The following SIK3 variants were observed in gnomAD, a reference collection of about 807,000 sequenced individuals.
SIK3 encodes the protein SIK family kinase 3.
A neutral mutation model predicts 144.2 loss-of-function variants in SIK3; 28 were observed. The observed-to-expected ratio is 0.19, with a 90% CI of 0.14 to 0.27. The LOEUF (loss-of-function observed/expected upper bound fraction) is 0.27, where lower values mean the gene tolerates loss of function less well. Among genes scored for constraint, SIK3 ranks in the 10% least tolerant of loss-of-function variants. The probability of loss-of-function intolerance (pLI) is 1.00; values close to 1 mark genes in which losing one functional copy is unlikely to be tolerated. For synonymous variants in SIK3, 686 were observed against 676.3 expected (o/e 1.01, Z -0.22); for missense variants, 1,319 against 1,776.0 (o/e 0.74, Z 4.62).
At chr11:117,016,180 G>C (rs1171886167) in intron 1 of SIK3, among the ~76,000 whole-genome samples, 1 of 151,710 alleles carries the variant, frequency 6.6e-6, no homozygotes, top group African/African-American at 2.4e-5. Flanking sequence ...ACAAAAATTA[G>C]CCTAGTGTAA....
chr11:116,943,356 T>C (rs1328083580), intron 3 of SIK3, among the ~76,000 whole-genome samples: 1 of 152,150 alleles, frequency 6.6e-6, no homozygotes, highest in Non-Finnish European at 1.5e-5. Flanking sequence ...GCAGGGCTTT[T>C]ACATCGGGGC....
rs749427910 is a variant in SIK3, at chr11:117,027,450, CTGTTTGTTTGTT to C, written c.274-70398_274-70387del. Reference sequence around the variant, plus strand: ...TTCTTTTTTTTTCTTTTTTTTATATCTGTTTGTTTGTTTGTTTGTTTGTTTGAGATGGAATTT... The same window carrying C: ...TTCTTTTTTTTTCTTTTTTTTATATCTGTTTGTTTGTTTGAGATGGAATTT... On this transcript the variant is annotated intron_variant, in intron 1 of 24. Transcript: ENST00000445177. Among the ~76,000 whole-genome samples the C allele has an allele frequency of 3.4e-4, 51 of 148,306 alleles. 1 individual carries two copies. The highest frequency in any genetic ancestry group is 6.4e-4 in the South Asian group (3 of 4,706).
chr11:116,975,661 G>A (rs937762420), intron 1 of SIK3, among the ~76,000 whole-genome samples: 2 of 152,162 alleles, frequency 1.3e-5, no homozygotes, highest in Non-Finnish European at 2.9e-5. Flanking sequence ...GAATAATGCT[G>A]CCATGAACAT....
chr11:116,929,304 T>A (rs1190686747), intron 3 of SIK3, among the ~76,000 whole-genome samples: 1 of 152,158 alleles, frequency 6.6e-6, no homozygotes, highest in Non-Finnish European at 1.5e-5. Flanking sequence ...AACATAAAAA[T>A]AAACCCTTAT....
intron 1 of SIK3, among the ~76,000 whole-genome samples, chr11:117,037,487 G>A (rs1219665809): frequency 3.3e-5 from 5 of 152,134 alleles, no homozygotes; most frequent in Non-Finnish European, 2.9e-5. Flanking sequence ...TCAAAGGAGG[G>A]AATGATCATC....
chr11:116,988,583 C>T (rs1465213350), intron 1 of SIK3, among the ~76,000 whole-genome samples: 1 of 151,834 alleles, frequency 6.6e-6, no homozygotes, highest in Non-Finnish European at 1.5e-5. Context: ...GAGTTTGAGA[C>T]CAGCCTAGGC....
intron 3 of SIK3, among the ~76,000 whole-genome samples, chr11:116,936,022 C>T (rs922513812): frequency 2.0e-4 from 30 of 152,140 alleles, no homozygotes; most frequent in African/African-American, 7.0e-4. Flanking sequence ...CACCTGTGAT[C>T]CCAGCACACT....
rs1591342666 is a variant in SIK3, at chr11:116,845,401, A to C, written c.*242T>G. 6.6e-6 allele frequency: 1 copy of C among 152,284 alleles called. No homozygotes were observed. Among genetic ancestry groups the C allele is most frequent in the East Asian group, 1.9e-4 (1 of 5,202 alleles). The allele number at this position is 152,284 out of a possible 1,614,324, so 9.4% of individuals were successfully genotyped here. ...CAACTCAAATATACTTTCACAAAAG[A>C]TGGAGAACATGGATTTCCTTCCTGT... is the stretch of plus-strand genomic sequence containing the variant. On this transcript the variant is annotated 3_prime_UTR_variant, in exon 25 of 25. Coordinates refer to ENST00000445177, the MANE Select transcript of SIK3 (RefSeq NM_001366686.3).
chr11:116,849,282 C>G lies in SIK3; in HGVS notation c.3657G>C (p.Glu1219Asp). 1 of 1,614,138 alleles carries G rather than the reference C, an allele frequency of 6.2e-7. No homozygotes were observed. The highest frequency in any genetic ancestry group is 1.6e-4 in the Middle Eastern group (1 of 6,062). The change falls in exon 22 of 25, where the codon GAG becomes GAC. Residue 1219 changes from glutamate (E) to aspartate (D), a missense_variant and splice_region_variant. By Grantham distance (45) the Glu-to-Asp change is conservative. This residue lies in a region of SIK3 where 646 missense variants were observed against 763.7 expected (regional missense o/e 0.85). Transcript: ENST00000445177. The surrounding 1 kb of genome is among the most constrained non-coding windows in gnomAD (Gnocchi z 4.2). ...TATCCATGCAGTTCCCTATGACAGGCTCTGAGGAGACACAGCAGAATAGAG... is the reference window on the plus strand; with the variant it reads ...TATCCATGCAGTTCCCTATGACAGGGTCTGAGGAGACACAGCAGAATAGAG... ...AFSKNKVPSREPVIGNCMDRS... is the reference protein window; with the variant it reads ...AFSKNKVPSRDPVIGNCMDRS...
chr11:116,903,205 G>A (rs974768780), intron 4 of SIK3, among the ~76,000 whole-genome samples: 5 of 152,182 alleles, frequency 3.3e-5, no homozygotes, highest in Non-Finnish European at 7.3e-5. Context: ...TAACTGTGAT[G>A]GGAGAATACC....
chr11:116,920,584 C>A (rs1453651240), intron 4 of SIK3, among the ~76,000 whole-genome samples: 1 of 152,196 alleles, frequency 6.6e-6, no homozygotes, highest in African/African-American at 2.4e-5. Flanking sequence ...GCTGTACCCC[C>A]GTGCCTGTAT....
chr11:116,937,181 A>T (rs559909572), intron 3 of SIK3, among the ~76,000 whole-genome samples: 1 of 152,376 alleles, frequency 6.6e-6, no homozygotes, highest in Admixed American at 6.5e-5. Context: ...AAGACGTAGA[A>T]AAATATGTAG....
chr11:116,999,890 A>T (rs139543221), intron 1 of SIK3, among the ~76,000 whole-genome samples: 1 of 152,380 alleles, frequency 6.6e-6, no homozygotes, highest in Non-Finnish European at 1.5e-5. Flanking sequence ...TTATTGAGAC[A>T]TACCATTACT....
intron 4 of SIK3, among the ~76,000 whole-genome samples, chr11:116,902,763 C>T (rs1223044382): frequency 6.6e-6 from 1 of 152,212 alleles, no homozygotes; most frequent in African/African-American, 2.4e-5. Flanking sequence ...CTAAGGTGTA[C>T]ATTCAAGCAA....
Position 116,849,577 on chromosome 11 carries a change from A to G in SIK3, c.3656-294T>C, listed in dbSNP as rs1591359684. Among the ~76,000 whole-genome samples, 5 of 152,184 alleles carry G rather than the reference A, an allele frequency of 3.3e-5. No individual in the cohort carries two copies. The highest frequency in any genetic ancestry group is 3.3e-4 in the Admixed American group (5 of 15,290). On this transcript the variant is annotated intron_variant, in intron 21 of 24. Coordinates refer to ENST00000445177, the MANE Select transcript of SIK3 (RefSeq NM_001366686.3). This position sits in a 1 kb window ranked among gnomAD's most constrained non-coding sequence, Gnocchi z 4.2. ...TTCTCTGTTGAATTAACAGTGATCT[A>G]TTCCCAAACCTAAATGCACATGAGA...
Position 116,958,273 on chromosome 11 carries a change from C to T in SIK3, c.274-1209G>A, listed in dbSNP as rs543594430. 1.2e-4 allele frequency among the ~76,000 whole-genome samples: 18 copies of T among 152,244 alleles called. No individual in the cohort carries two copies. The South Asian group carries it at 1.9e-3, about 16-fold the overall frequency. On this transcript the variant is annotated intron_variant, in intron 1 of 24. Coordinates refer to ENST00000445177, the MANE Select transcript of SIK3 (RefSeq NM_001366686.3). ...GAAATAAAGACTGTTTGGAGCCATA[C>T]GTGGCAGATTATTCAGATGTATAAA...
At chr11:117,084,071 CTTT>C (rs1239290680) in intron 1 of SIK3, among the ~76,000 whole-genome samples, 8 of 152,138 alleles carry the variant, frequency 5.3e-5, no homozygotes, top group Middle Eastern at 3.2e-3. Context: ...GCTTTGACTT[CTTT>C]ATCATTTTAA....
intron 14 of SIK3, among the ~76,000 whole-genome samples, chr11:116,868,471 G>A (rs941375801): frequency 3.3e-5 from 5 of 152,152 alleles, no homozygotes; most frequent in African/African-American, 1.2e-4. Context: ...TGAGCCCTAA[G>A]GACTATTCCT....
At chr11:117,005,363 A>G (rs563401226) in intron 1 of SIK3, among the ~76,000 whole-genome samples, 1 of 145,360 alleles carries the variant, frequency 6.9e-6, no homozygotes, top group East Asian at 2.0e-4. Flanking sequence ...AAAAAAAAAG[A>G]TAAAAAAGAT....
Sources: gnomAD v4.1 joint callset for allele counts (sites outside exome capture counted in the v4.1 genomes callset) on GRCh38, gnomAD v4.1.1 for gene constraint, gnomAD v4.1.1 regional missense constraint, Gnocchi (gnomAD v3.1) non-coding constraint, MANE v1.5 for transcripts, NCBI Gene and HGNC (gene_info 2026-07-23, HGNC 2026-07-21) for gene names.